NDUFS2: variants seen among roughly 807,000 people sequenced by gnomAD.
NDUFS2 encodes NADH dehydrogenase [ubiquinone] iron-sulfur protein 2, mitochondrial.
In NDUFS2, 38 loss-of-function variants were observed where a neutral mutation model predicts 69.6. The ratio of observed to expected loss-of-function variants is 0.55; its 90% CI spans 0.42 to 0.72. The LOEUF (loss-of-function observed/expected upper bound fraction) is 0.72, where lower values mean the gene tolerates loss of function less well. NDUFS2 is among the 30% of genes least tolerant of loss of function. NDUFS2 has a pLI of 0.00. For synonymous variants in NDUFS2, 194 were observed against 211.2 expected (o/e 0.92, Z 0.70); for missense variants, 468 against 595.0 (o/e 0.79, Z 2.22).
intron 9 of NDUFS2, 148 bp downstream of exon 9, chr1:161,210,858 C>G (rs908570519): frequency 4.9e-6 from 6 of 1,219,918 alleles, no homozygotes; most frequent in African/African-American, 3.0e-5. Flanking sequence ...AACACTTTCA[C>G]ATATATGGAA....
At chr1:161,209,707 G>A in intron 5 of NDUFS2, 112 bp downstream of exon 5, 1 of 1,241,256 alleles carries the variant, frequency 8.1e-7, no homozygotes, top group South Asian at 1.3e-5. Context: ...ACATTTAGAG[G>A]GGGAAGGTAT....
chr1:161,205,750 G>C (rs1257246114), intron 2 of NDUFS2, among the ~76,000 whole-genome samples: 1 of 150,014 alleles, frequency 6.7e-6, no homozygotes, highest in South Asian at 2.1e-4. Context: ...CCTGGGTGCA[G>C]AGTGAGACTC....
At chr1:161,205,599 A>C (rs1430604240) in intron 2 of NDUFS2, among the ~76,000 whole-genome samples, 1 of 152,062 alleles carries the variant, frequency 6.6e-6, no homozygotes, top group Non-Finnish European at 1.5e-5. Context: ...TCTTTCGCAA[A>C]TTAAAATGTA....
rs1665637778 is a variant in NDUFS2 at position 161,209,253 on chromosome 1, T to C, written c.454T>C (p.Ser152Pro). 1 of 1,614,146 alleles carries C rather than the reference T, an allele frequency of 6.2e-7. No individual in the cohort carries two copies. The highest frequency in any genetic ancestry group is 8.5e-7 in the Non-Finnish European group (1 of 1,180,040). Residue 152 changes from serine to proline, a missense_variant, in exon 4 of 14, where the codon TCT becomes CCT. By Grantham distance (74) the Ser-to-Pro change is moderately conservative. Around this residue, in one of 3 missense-constraint regions of NDUFS2, gnomAD observed 339 missense variants for 433.8 expected, o/e 0.78. Coordinates refer to ENST00000676972, the MANE Select transcript of NDUFS2 (RefSeq NM_001377299.1). The stretch of plus-strand genomic sequence containing the variant: ...CATGATGTGTAACGAACAGGCCTAT[T>C]CTCTAGCTGTGGAGAAGTTGCTAAA... ...VSMMCNEQAY[S>P]LAVEKLLNIR...
At position 161,212,698 on chromosome 1, in the gene NDUFS2, T is replaced by TA. The variant is rs199817297; in HGVS notation, c.1116+219dup. 5.7e-3 allele frequency: 2,565 copies of TA among 451,550 alleles called. 47 individuals are homozygous for TA. Among genetic ancestry groups the TA allele is most frequent in the South Asian group, 0.022 (1,113 of 49,632 alleles). The allele number at this position is 451,550 out of a possible 1,614,324, so 28.0% of individuals were successfully genotyped here. On this transcript the variant is annotated intron_variant, in intron 10 of 13. Coordinates refer to ENST00000676972, the MANE Select transcript of NDUFS2 (RefSeq NM_001377299.1). ...CCTCAGCCTCCCAAGTAGCTGAGAT[T>TA]ACAGGCGTGTGCCACTACGCCCAGC...
Position 161,214,202 on chromosome 1 carries a change from GC to G in NDUFS2, c.*10del, listed in dbSNP as rs752339750. 1.9e-6 allele frequency: 3 copies of G among 1,611,670 alleles called. No homozygotes were observed. In the African/African-American group the frequency reaches 4.0e-5, roughly 22 times the overall value. Reference sequence around the variant, plus strand: ...GAGAAGTAGATCGGTGAGCAGGGGAGCAGCGTTTGATCCCCCCTGCCTATCA... The same window carrying G: ...GAGAAGTAGATCGGTGAGCAGGGGAGAGCGTTTGATCCCCCCTGCCTATCA... On this transcript the variant is annotated 3_prime_UTR_variant, in exon 14 of 14. Coordinates refer to ENST00000676972, the MANE Select transcript of NDUFS2 (RefSeq NM_001377299.1).
At chr1:161,213,973 G>A (rs750812398) in intron 13 of NDUFS2, 52 bp downstream of exon 13, 6 of 1,613,874 alleles carry the variant, frequency 3.7e-6, no homozygotes, top group African/African-American at 1.3e-5. Context: ...AGTTCGGGAC[G>A]CCCACTGGGG....
upstream of NDUFS2, chr1:161,198,672 C>T (rs1412864689): frequency 9.0e-6 from 13 of 1,439,214 alleles, no homozygotes; most frequent in Admixed American, 1.6e-4. The surrounding 1 kb of genome is among the most constrained non-coding windows in gnomAD (Gnocchi z 4.7). Flanking sequence ...GTCTAGGGCA[C>T]CAAGTCCTCC....
intron 4 of NDUFS2, 41 bp downstream of exon 4, chr1:161,209,354 A>G: frequency 6.2e-7 from 1 of 1,613,930 alleles, no homozygotes; most frequent in Non-Finnish European, 8.5e-7. Flanking sequence ...CTGTGAGCAT[A>G]GCATAGTGCC....
upstream of NDUFS2, chr1:161,198,052 G>A: frequency 5.0e-6 from 8 of 1,603,906 alleles, no homozygotes; most frequent in Non-Finnish European, 6.8e-6. The surrounding 1 kb of genome is among the most constrained non-coding windows in gnomAD (Gnocchi z 4.7). Context: ...CGTTGCACAT[G>A]GGACCTTGAC....
rs1347441769 is a variant in NDUFS2, at chr1:161,210,200, G to A, written c.780+12G>A. ...ATGAGTTGGAGGAGGTAAGCTAGGAGTCAATGGGAAAAATCTCTCCCCCAC... is the reference window on the plus strand; with the variant it reads ...ATGAGTTGGAGGAGGTAAGCTAGGAATCAATGGGAAAAATCTCTCCCCCAC... On this transcript the variant is annotated intron_variant, in intron 7 of 13. Coordinates refer to ENST00000676972, the MANE Select transcript of NDUFS2 (RefSeq NM_001377299.1). 2 of 1,613,810 alleles carry A rather than the reference G, an allele frequency of 1.2e-6. No homozygotes were observed. Among genetic ancestry groups the A allele is most frequent in the East Asian group, 2.2e-5 (1 of 44,876 alleles).
At chr1:161,210,817 T>C in intron 9 of NDUFS2, 107 bp downstream of exon 9, 1 of 1,537,562 alleles carries the variant, frequency 6.5e-7, no homozygotes, top group Non-Finnish European at 9.0e-7. Flanking sequence ...CTGTGGGAGC[T>C]CTTGTGTGTG....
Position 161,206,588 on chromosome 1 carries a change from C to G in NDUFS2, c.384C>G (p.Thr128=), listed in dbSNP as rs1362492922. Residue 128 remains threonine, a synonymous_variant, in exon 3 of 14, where the codon ACC becomes ACG. Coordinates refer to ENST00000676972, the MANE Select transcript of NDUFS2 (RefSeq NM_001377299.1). ...CTGAGAAGCTCATTGAATACAAGAC[C>G]TATCTTCAGGTGTGGGGGGTGAACA... is the stretch of plus-strand genomic sequence containing the variant. The part of the protein sequence containing the change: ...RGTEKLIEYK[T]YLQALPYFDR... 2 of 1,613,380 alleles carry G rather than the reference C, an allele frequency of 1.2e-6. No homozygotes were observed. Among genetic ancestry groups the G allele is most frequent in the African/African-American group, 1.3e-5 (1 of 75,040 alleles).
At chr1:161,213,810 C>T in intron 12 of NDUFS2, 54 bp from the exon 13 acceptor site, 3 of 1,611,604 alleles carry the variant, frequency 1.9e-6, no homozygotes, top group Admixed American at 1.7e-5. Context: ...ACTCTTCTTT[C>T]TCCTCCCACC....
rs1665933608 is a variant in NDUFS2, at chr1:161,214,267, C to CTG, written c.*75_*76insGT. 4 of 1,127,566 alleles carry CTG rather than the reference C, an allele frequency of 3.5e-6. No individual in the cohort carries two copies. The highest frequency in any genetic ancestry group is 1.3e-5 in the South Asian group (1 of 74,438). 69.8% of individuals were successfully genotyped at this position (1,127,566 alleles called of 1,614,324 possible). On this transcript the variant is annotated 3_prime_UTR_variant, in exon 14 of 14. Transcript: ENST00000676972. Reference sequence around the variant, plus strand: ...AGCCTGTTCCTCACTGGAAATTGGCCTCTGTGTGTGTGTGTGTGTGTGTGT... The same window carrying CTG: ...AGCCTGTTCCTCACTGGAAATTGGCCTGTCTGTGTGTGTGTGTGTGTGTGTGT...
At chr1:161,212,617 G>T in intron 10 of NDUFS2, 137 bp downstream of exon 10, 1 of 1,181,934 alleles carries the variant, frequency 8.5e-7, no homozygotes. Flanking sequence ...GCCCAGACTG[G>T]AGTGCAATCT....
At chr1:161,206,809 G>C (rs146847180) in intron 3 of NDUFS2, among the ~76,000 whole-genome samples, 29 of 152,310 alleles carry the variant, frequency 1.9e-4, no homozygotes, top group African/African-American at 7.0e-4. Flanking sequence ...TTTGAAGCTG[G>C]AGCTATACTC....
chr1:161,208,103 G>A (rs780898267), intron 3 of NDUFS2, among the ~76,000 whole-genome samples: 4 of 149,070 alleles, frequency 2.7e-5, no homozygotes, highest in Non-Finnish European at 5.9e-5. Flanking sequence ...TCGTTCCTCA[G>A]CCTCCCAAAT....
intron 10 of NDUFS2, 164 bp downstream of exon 10, chr1:161,212,644 C>T: frequency 2.4e-6 from 2 of 824,162 alleles, no homozygotes; most frequent in East Asian, 7.0e-5. Context: ...ACTGCAACCT[C>T]CGCCTCCCAG....
Sources: gnomAD v4.1 joint callset for allele counts (sites outside exome capture counted in the v4.1 genomes callset) on GRCh38, gnomAD v4.1.1 for gene constraint, gnomAD v4.1.1 regional missense constraint, Gnocchi (gnomAD v3.1) non-coding constraint, MANE v1.5 for transcripts, NCBI Gene and HGNC (gene_info 2026-07-23, HGNC 2026-07-21) for gene names.